Variants in MARCHF1 observed in about 807,000 individuals in gnomAD.
MARCHF1 encodes the protein E3 ubiquitin-protein ligase MARCHF1.
In MARCHF1, 40 loss-of-function variants were observed where a neutral mutation model predicts 54.2. The ratio of observed to expected loss-of-function variants is 0.74; its 90% CI spans 0.57 to 0.96. MARCHF1 has a LOEUF of 0.96. Ranked by LOEUF, MARCHF1 falls within the 40% of genes least tolerant of loss-of-function variation. The pLI, the probability that MARCHF1 is intolerant of heterozygous loss-of-function variation, is 0.00. For synonymous variants in MARCHF1, 236 were observed against 236.3 expected (o/e 1.00, Z 0.01); for missense variants, 586 against 656.5 (o/e 0.89, Z 1.17).
chr4:163,715,968 C>T (rs535355758), intron 4 of MARCHF1, among the ~76,000 whole-genome samples: 51 of 152,106 alleles, frequency 3.4e-4, no homozygotes, highest in African/African-American at 1.1e-3. Flanking sequence ...ACATAAAAAA[C>T]GTAAAGTACA....
rs1245101671 is a variant in MARCHF1 at position 163,975,918 on chromosome 4, G to A, written c.-39+12583C>T. Among the ~76,000 whole-genome samples the A allele has an allele frequency of 2.0e-5, 3 of 152,264 alleles. No individual in the cohort carries two copies. In the East Asian group the frequency reaches 5.8e-4, roughly 29 times the overall value. ...TAAAAATATTGGTCAACTTGGATTG[G>A]ATAGAGTCAGTACAAAATGAAAGAC... On this transcript the variant is annotated intron_variant, in intron 3 of 9. Coordinates refer to ENST00000514618, the MANE Select transcript of MARCHF1 (RefSeq NM_001394959.1).
At chr4:163,913,676 C>A (rs1751244894) in intron 3 of MARCHF1, among the ~76,000 whole-genome samples, 1 of 152,154 alleles carries the variant, frequency 6.6e-6, no homozygotes, top group East Asian at 1.9e-4. Context: ...GAGAATGAGC[C>A]TTCCTCTGGA....
At chr4:163,810,327 T>A (rs908796315) in intron 4 of MARCHF1, among the ~76,000 whole-genome samples, 5 of 152,232 alleles carry the variant, frequency 3.3e-5, no homozygotes, top group African/African-American at 9.6e-5. Context: ...TTTTTAAAAT[T>A]ATTAATCACA....
At chr4:164,021,650 T>C (rs1753667243) in intron 2 of MARCHF1, among the ~76,000 whole-genome samples, 1 of 151,982 alleles carries the variant, frequency 6.6e-6, no homozygotes. Context: ...ATATGGTCCA[T>C]TTTTGACCAG....
intron 7 of MARCHF1, among the ~76,000 whole-genome samples, chr4:163,603,322 TG>T (rs1280780451): frequency 7.5e-6 from 1 of 134,066 alleles, no homozygotes; most frequent in Non-Finnish European, 1.7e-5. Flanking sequence ...AAAATCTAAA[TG>T]TTTTATGATA....
At chr4:164,316,301 T>C (rs558082584) in intron 1 of MARCHF1, among the ~76,000 whole-genome samples, 15 of 152,248 alleles carry the variant, frequency 9.9e-5, no homozygotes, top group African/African-American at 3.1e-4. Flanking sequence ...TTGATAAAAA[T>C]AAGCACGAAT....
At chr4:163,812,060 G>A (rs566646133) in intron 4 of MARCHF1, among the ~76,000 whole-genome samples, 1 of 151,904 alleles carries the variant, frequency 6.6e-6, no homozygotes. Context: ...GAATACTTGA[G>A]CTCAAATATT....
At chr4:164,376,568 G>A (rs538303794) in intron 1 of MARCHF1, among the ~76,000 whole-genome samples, 143 of 152,240 alleles carry the variant, frequency 9.4e-4, no homozygotes, top group African/African-American at 3.3e-3. Context: ...GCATGCAGTT[G>A]GGTCACTTCC....
At chr4:164,235,743 G>A (rs183943935) in intron 1 of MARCHF1, among the ~76,000 whole-genome samples, 9 of 151,976 alleles carry the variant, frequency 5.9e-5, no homozygotes, top group African/African-American at 1.9e-4. Context: ...AAGGGGAAGA[G>A]TGGGAGGGGC....
chr4:163,999,234 TA>T (rs907973430), intron 2 of MARCHF1, among the ~76,000 whole-genome samples: 4 of 151,218 alleles, frequency 2.6e-5, no homozygotes, highest in Admixed American at 2.0e-4. Flanking sequence ...TTATTTTGGT[TA>T]AAAAAAACCG....
chr4:163,865,692 A>G (rs543291796), intron 3 of MARCHF1, among the ~76,000 whole-genome samples: 2 of 151,778 alleles, frequency 1.3e-5, no homozygotes, highest in Non-Finnish European at 1.5e-5. Flanking sequence ...TTTTACATAC[A>G]TTTTATTATT....
intron 4 of MARCHF1, among the ~76,000 whole-genome samples, chr4:163,785,995 AT>A (rs1199380408): frequency 6.6e-6 from 1 of 152,004 alleles, no homozygotes; most frequent in African/African-American, 2.4e-5. Context: ...TGCACATGCT[AT>A]GATACTGACA....
intron 1 of MARCHF1, among the ~76,000 whole-genome samples, chr4:164,175,807 T>C (rs1226570508): frequency 6.6e-6 from 1 of 152,180 alleles, no homozygotes; most frequent in African/African-American, 2.4e-5. Flanking sequence ...CCAGTAATCA[T>C]GTGAGCCAAT....
At chr4:163,714,009 C>T (rs892195957) in intron 4 of MARCHF1, among the ~76,000 whole-genome samples, 14 of 152,200 alleles carry the variant, frequency 9.2e-5, no homozygotes, top group Admixed American at 4.6e-4. Flanking sequence ...TAAGATTGTA[C>T]GTAGTTGAAA....
chr4:164,231,724 A>G (rs1167949917), intron 1 of MARCHF1, among the ~76,000 whole-genome samples: 1 of 152,156 alleles, frequency 6.6e-6, no homozygotes, highest in Admixed American at 6.6e-5. Flanking sequence ...TTATACATAA[A>G]TAACCAACAT....
chr4:164,232,702 A>G (rs1170916074), intron 1 of MARCHF1, among the ~76,000 whole-genome samples: 2 of 152,172 alleles, frequency 1.3e-5, no homozygotes, highest in East Asian at 1.9e-4. Flanking sequence ...CATATCAAAA[A>G]TGCTTTATGT....
intron 3 of MARCHF1, among the ~76,000 whole-genome samples, chr4:163,924,503 A>G (rs1014885569): frequency 1.3e-5 from 2 of 152,056 alleles, no homozygotes; most frequent in Non-Finnish European, 2.9e-5. Flanking sequence ...GGTAAAGGCT[A>G]TGTCAGTGGT....
intron 2 of MARCHF1, among the ~76,000 whole-genome samples, chr4:164,051,398 T>C (rs576818297): frequency 6.6e-6 from 1 of 152,214 alleles, no homozygotes; most frequent in South Asian, 2.1e-4. Context: ...ACAATATGCT[T>C]TGTGTGTGTC....
chr4:163,927,315 T>C (rs1018789471), intron 3 of MARCHF1, among the ~76,000 whole-genome samples: 5 of 151,728 alleles, frequency 3.3e-5, no homozygotes, highest in Non-Finnish European at 7.4e-5. Flanking sequence ...CTGAAAGAGT[T>C]TCAATTTTAA....
Sources: allele counts gnomAD v4.1 joint callset (sites outside exome capture counted in the v4.1 genomes callset), GRCh38; gene constraint gnomAD v4.1.1; transcripts MANE v1.5; gene names NCBI Gene and HGNC (gene_info 2026-07-23, HGNC 2026-07-21).